Variants in LRRC4C observed in about 807,000 individuals in gnomAD.
LRRC4C encodes leucine-rich repeat-containing protein 4C.
A neutral mutation model predicts 33.6 loss-of-function variants in LRRC4C; 5 were observed. That is an observed-to-expected ratio of 0.15 (90% CI 0.08 to 0.31). The LOEUF (loss-of-function observed/expected upper bound fraction) is 0.31. LRRC4C is among the 10% of genes least tolerant of loss of function. The pLI, the probability that LRRC4C is intolerant of heterozygous loss-of-function variation, is 1.00. For missense variants in LRRC4C, 560 were observed against 796.7 expected (o/e 0.70, Z 3.58); for synonymous variants, 329 against 302.0 (o/e 1.09, Z -0.93).
At chr11:40,360,157 G>T (rs759374701) in intron 3 of LRRC4C, among the ~76,000 whole-genome samples, 1 of 152,154 alleles carries the variant, frequency 6.6e-6, no homozygotes, top group African/African-American at 2.4e-5. Context: ...CTCTTTGAAA[G>T]AAGGTAAACA....
intron 3 of LRRC4C, among the ~76,000 whole-genome samples, chr11:40,329,067 A>G (rs1038349897): frequency 2.6e-5 from 4 of 152,220 alleles, no homozygotes; most frequent in Non-Finnish European, 4.4e-5. Context: ...GCCAAAAAGT[A>G]GGCTTAGTGC....
intron 3 of LRRC4C, among the ~76,000 whole-genome samples, chr11:40,428,467 T>G (rs1336199425): frequency 6.6e-6 from 1 of 152,202 alleles, no homozygotes; most frequent in Non-Finnish European, 1.5e-5. Context: ...AGAAAATAAC[T>G]TACGAGTGAT....
intron 3 of LRRC4C, among the ~76,000 whole-genome samples, chr11:40,488,106 CT>C (rs1953957893): frequency 1.3e-5 from 2 of 152,036 alleles, no homozygotes; most frequent in South Asian, 4.1e-4. Context: ...AGAATTTTAG[CT>C]GTAACACATG....
intron 6 of LRRC4C, among the ~76,000 whole-genome samples, chr11:40,124,180 A>G (rs1026278910): frequency 1.3e-5 from 2 of 152,274 alleles, no homozygotes; most frequent in South Asian, 4.1e-4. Context: ...AATGCTGGTG[A>G]GGATGTGGGA....
At chr11:41,089,943 A>G (rs1940285149) in intron 1 of LRRC4C, among the ~76,000 whole-genome samples, 1 of 152,010 alleles carries the variant, frequency 6.6e-6, no homozygotes, top group African/African-American at 2.4e-5. Context: ...ATACTATGCT[A>G]ATATATACAG....
chr11:40,326,533 G>A (rs1590325455), intron 3 of LRRC4C, among the ~76,000 whole-genome samples: 1 of 142,484 alleles, frequency 7.0e-6, no homozygotes, highest in Admixed American at 7.4e-5. Flanking sequence ...TGCACTCCAG[G>A]CAAGACTCCT....
At chr11:41,044,000 C>T (rs907567056) in intron 1 of LRRC4C, among the ~76,000 whole-genome samples, 3 of 151,958 alleles carry the variant, frequency 2.0e-5, no homozygotes, top group African/African-American at 7.2e-5. Flanking sequence ...CATTCCCTCC[C>T]CCACACACCT....
intron 3 of LRRC4C, among the ~76,000 whole-genome samples, chr11:40,642,719 C>T (rs1942198384): frequency 6.6e-6 from 1 of 152,098 alleles, no homozygotes; most frequent in Non-Finnish European, 1.5e-5. Flanking sequence ...TTTCATTCAA[C>T]AATTATTTGC....
At chr11:41,109,112 T>A (rs1941680369) in intron 1 of LRRC4C, among the ~76,000 whole-genome samples, 1 of 152,108 alleles carries the variant, frequency 6.6e-6, no homozygotes, top group Non-Finnish European at 1.5e-5. Flanking sequence ...ATATATTTCC[T>A]TGTGTTTTCT....
intron 1 of LRRC4C, among the ~76,000 whole-genome samples, chr11:41,320,726 G>T (rs998818839): frequency 3.3e-5 from 5 of 152,094 alleles, no homozygotes; most frequent in Admixed American, 2.0e-4. Context: ...TGGACCTGTG[G>T]CTATTTATTT....
At chr11:41,406,065 A>G (rs987662347) in intron 1 of LRRC4C, among the ~76,000 whole-genome samples, 10 of 151,306 alleles carry the variant, frequency 6.6e-5, no homozygotes. Context: ...GAAGTTGCAA[A>G]TGGTATAGAG....
intron 6 of LRRC4C, among the ~76,000 whole-genome samples, chr11:40,137,895 CA>C (rs1213778497): frequency 6.6e-6 from 1 of 152,050 alleles, no homozygotes; most frequent in Non-Finnish European, 1.5e-5. Context: ...TGAATTCATA[CA>C]AAACCAAAAC....
At chr11:40,839,862 T>C (rs1328642591) in intron 2 of LRRC4C, among the ~76,000 whole-genome samples, 1 of 152,136 alleles carries the variant, frequency 6.6e-6, no homozygotes. Context: ...TAAAAAATAA[T>C]TTCAATCCAG....
chr11:41,367,847 C>T (rs1952601455), intron 1 of LRRC4C, among the ~76,000 whole-genome samples: 1 of 152,072 alleles, frequency 6.6e-6, no homozygotes, highest in Non-Finnish European at 1.5e-5. Flanking sequence ...ATTAGGTTCA[C>T]ATTTGCCTTA....
chr11:40,883,414 C>A (rs1955282619), intron 2 of LRRC4C, among the ~76,000 whole-genome samples: 1 of 151,988 alleles, frequency 6.6e-6, no homozygotes, highest in South Asian at 2.1e-4. Context: ...ATAAACTGAA[C>A]TCACATTCGA....
intron 3 of LRRC4C, among the ~76,000 whole-genome samples, chr11:40,325,883 T>C (rs912526749): frequency 4.6e-5 from 7 of 152,054 alleles, no homozygotes; most frequent in Non-Finnish European, 1.5e-5. Flanking sequence ...GAGATACTAC[T>C]CACAATTAGA....
chr11:41,166,007 G>A (rs566681662), intron 1 of LRRC4C, among the ~76,000 whole-genome samples: 83 of 150,242 alleles, frequency 5.5e-4, no homozygotes, highest in Non-Finnish European at 1.1e-3. Context: ...CTCCAGCCTC[G>A]GCAACAAGAG....
intron 2 of LRRC4C, among the ~76,000 whole-genome samples, chr11:40,662,781 A>T (rs958577044): frequency 2.0e-5 from 3 of 152,230 alleles, no homozygotes; most frequent in Non-Finnish European, 4.4e-5. Flanking sequence ...ACTACAACTC[A>T]GTTGCTTCAT....
At chr11:40,198,097 G>C (rs1477412739) in intron 5 of LRRC4C, among the ~76,000 whole-genome samples, 2 of 152,146 alleles carry the variant, frequency 1.3e-5, no homozygotes, top group Non-Finnish European at 2.9e-5. Flanking sequence ...GTGAGAGCCA[G>C]GAAGGGATTT....
Sources: gnomAD v4.1 joint callset for allele counts (sites outside exome capture counted in the v4.1 genomes callset) on GRCh38, gnomAD v4.1.1 for gene constraint, MANE v1.5 for transcripts, NCBI Gene and HGNC (gene_info 2026-07-23, HGNC 2026-07-21) for gene names.